DLG2: variants seen among roughly 807,000 people sequenced by gnomAD.
DLG2 encodes disks large homolog 2.
DLG2 carries 45 observed loss-of-function variants against 132.5 expected under a neutral mutation model. The ratio of observed to expected loss-of-function variants is 0.34; its 90% CI spans 0.27 to 0.44. DLG2 has a LOEUF of 0.44. DLG2 is among the 20% of genes least tolerant of loss of function. DLG2 has a pLI of 1.00. For missense variants in DLG2, 1,045 were observed against 1,196.9 expected, an observed-to-expected ratio of 0.87 and a Z score of 1.87; for synonymous variants, 424 against 419.6, an observed-to-expected ratio of 1.01 and a Z score of -0.13.
intron 6 of DLG2, among the ~76,000 whole-genome samples, chr11:84,852,955 G>A (rs1259302618): frequency 6.6e-6 from 1 of 152,080 alleles, no homozygotes. Context: ...CTTTTTAATT[G>A]TATAAAATAT....
At chr11:84,642,952 T>C (rs997663560) in intron 6 of DLG2, among the ~76,000 whole-genome samples, 7 of 152,218 alleles carry the variant, frequency 4.6e-5, no homozygotes, top group African/African-American at 1.7e-4. Context: ...CTTAAAATAA[T>C]GCTACAGTAA....
intron 6 of DLG2, among the ~76,000 whole-genome samples, chr11:84,645,143 A>G (rs1808824412): frequency 6.6e-6 from 1 of 152,176 alleles, no homozygotes; most frequent in African/African-American, 2.4e-5. Flanking sequence ...GAGAGAGGGA[A>G]CTGGTTATGA....
chr11:84,553,950 A>T (rs759920480), intron 6 of DLG2, among the ~76,000 whole-genome samples: 1 of 152,244 alleles, frequency 6.6e-6, no homozygotes, highest in Non-Finnish European at 1.5e-5. Flanking sequence ...GAATGACTGC[A>T]CTGCCATAAA....
intron 6 of DLG2, among the ~76,000 whole-genome samples, chr11:84,628,584 CAT>C (rs1462907900): frequency 3.9e-5 from 6 of 152,304 alleles, no homozygotes; most frequent in East Asian, 3.9e-4. Flanking sequence ...CATCTTTGCA[CAT>C]GTTACGTCTT....
intron 9 of DLG2, among the ~76,000 whole-genome samples, chr11:84,128,403 A>G (rs1445049525): frequency 6.6e-6 from 1 of 152,142 alleles, no homozygotes; most frequent in Non-Finnish European, 1.5e-5. Flanking sequence ...GTATTTTTAT[A>G]TTATTGATCT....
chr11:85,279,340 T>C (rs922610886), intron 4 of DLG2, among the ~76,000 whole-genome samples: 1 of 150,624 alleles, frequency 6.6e-6, no homozygotes, highest in Non-Finnish European at 1.5e-5. Context: ...CAATAAGTGA[T>C]AAGGAGAGGG....
intron 17 of DLG2, among the ~76,000 whole-genome samples, chr11:83,826,241 G>T (rs751904762): frequency 6.6e-6 from 1 of 152,152 alleles, no homozygotes; most frequent in Non-Finnish European, 1.5e-5. Context: ...CCATAGTCAG[G>T]CCCTGCTGAA....
chr11:83,746,825 A>G (rs989013851), intron 18 of DLG2, among the ~76,000 whole-genome samples: 1 of 152,182 alleles, frequency 6.6e-6, no homozygotes, highest in Admixed American at 6.5e-5. Context: ...ACATATTACT[A>G]AGGTCCATAA....
chr11:84,050,602 G>A (rs2096353767), intron 11 of DLG2, among the ~76,000 whole-genome samples: 4 of 152,004 alleles, frequency 2.6e-5, no homozygotes, highest in Admixed American at 2.6e-4. Flanking sequence ...CCATGCCTAT[G>A]TCCTGAATGG....
chr11:84,990,687 A>G (rs1279558687), intron 6 of DLG2, among the ~76,000 whole-genome samples: 1 of 151,106 alleles, frequency 6.6e-6, no homozygotes, highest in African/African-American at 2.4e-5. Flanking sequence ...TTCATAAAAT[A>G]AGAAGTAGCG....
intron 3 of DLG2, among the ~76,000 whole-genome samples, chr11:85,377,725 C>T (rs2085516025): frequency 6.7e-6 from 1 of 150,236 alleles, no homozygotes; most frequent in Admixed American, 6.6e-5. Flanking sequence ...TGAGACAGAA[C>T]TTGAATAACA....
At chr11:83,567,089 G>A (rs2096721886) in intron 19 of DLG2, among the ~76,000 whole-genome samples, 1 of 152,120 alleles carries the variant, frequency 6.6e-6, no homozygotes, top group Non-Finnish European at 1.5e-5. Context: ...AATGGAAACA[G>A]AGACATAAAC....
chr11:83,600,627 G>A (rs1353785801), intron 19 of DLG2, among the ~76,000 whole-genome samples: 1 of 152,212 alleles, frequency 6.6e-6, no homozygotes, highest in Non-Finnish European at 1.5e-5. Context: ...CCTGTACAGA[G>A]AGATGTGCAG....
intron 10 of DLG2, among the ~76,000 whole-genome samples, chr11:84,083,373 G>A (rs942781768): frequency 6.6e-6 from 1 of 152,268 alleles, no homozygotes; most frequent in African/African-American, 2.4e-5. Context: ...AATCTGGGAT[G>A]AAAGCCACAA....
chr11:84,042,250 T>G (rs1399055574), intron 11 of DLG2, among the ~76,000 whole-genome samples: 1 of 151,912 alleles, frequency 6.6e-6, no homozygotes, highest in African/African-American at 2.4e-5. Flanking sequence ...TTCCTTTATG[T>G]GTCTTGTCTA....
intron 4 of DLG2, among the ~76,000 whole-genome samples, chr11:85,200,926 G>A (rs2081409330): frequency 6.6e-6 from 1 of 151,932 alleles, no homozygotes; most frequent in Admixed American, 6.6e-5. Flanking sequence ...GATCACAAGG[G>A]GCCCCATCAG....
chr11:83,934,450 C>T (rs1004256708), intron 14 of DLG2, among the ~76,000 whole-genome samples: 2 of 150,722 alleles, frequency 1.3e-5, no homozygotes, highest in Admixed American at 1.3e-4. Flanking sequence ...TTCTCGGTGT[C>T]CCCTTAAATT....
chr11:84,147,811 A>C (rs903449760), intron 9 of DLG2, among the ~76,000 whole-genome samples: 2 of 152,172 alleles, frequency 1.3e-5, no homozygotes, highest in Admixed American at 1.3e-4. Flanking sequence ...ATATAGTCAA[A>C]TAATCATAGC....
At chr11:83,775,626 C>A (rs2153799747) in intron 18 of DLG2, among the ~76,000 whole-genome samples, 1 of 152,072 alleles carries the variant, frequency 6.6e-6, no homozygotes, top group Admixed American at 6.5e-5. Flanking sequence ...CTACATCTTT[C>A]TTTTTCTCTC....
Sources: allele counts gnomAD v4.1 joint callset (sites outside exome capture counted in the v4.1 genomes callset), GRCh38; gene constraint gnomAD v4.1.1; transcripts MANE v1.5; gene names NCBI Gene and HGNC (gene_info 2026-07-23, HGNC 2026-07-21).